The following MYBPC1 variants were observed in gnomAD, a reference collection of about 807,000 sequenced individuals.
MYBPC1 encodes myosin binding protein C1.
MYBPC1 carries 52 observed loss-of-function variants against 147.1 expected under a neutral mutation model. That is an observed-to-expected ratio of 0.35 (90% CI 0.28 to 0.45). The LOEUF is 0.45. Among genes scored for constraint, MYBPC1 ranks in the 20% least tolerant of loss-of-function variants. The pLI, the probability that MYBPC1 is intolerant of heterozygous loss-of-function variation, is 1.00. For missense variants in MYBPC1, 1,228 were observed against 1,440.3 expected (o/e 0.85, Z 2.39); for synonymous variants, 477 against 475.9 (o/e 1.00, Z -0.03).
Position 101,634,580 on chromosome 12 carries a change from G to A in MYBPC1, c.583G>A (p.Asp195Asn), listed in dbSNP as rs1300082695. ...ATCTACTGGGACTACTCCAAACATTGACATCAGATCTGCTTTCAAGAGAAG... is the reference window on the plus strand; with the variant it reads ...ATCTACTGGGACTACTCCAAACATTAACATCAGATCTGCTTTCAAGAGAAG... ...HESTGTTPNI[D>N]IRSAFKRSGE... Residue 195 changes from aspartate (D) to asparagine (N), a missense_variant, in exon 9 of 32, where the codon GAC (aspartate) becomes AAC (asparagine). This residue lies in a region of MYBPC1 where 1,077 missense variants were observed against 1,314.2 expected (regional missense o/e 0.82). Transcript: ENST00000361466. 5 of 1,613,114 alleles carry A rather than the reference G, an allele frequency of 3.1e-6. No homozygotes were observed. The highest frequency in any genetic ancestry group is 2.5e-6 in the Non-Finnish European group (3 of 1,179,250).
chr12:101,612,106 C>A (rs1204144522), intron 1 of MYBPC1, among the ~76,000 whole-genome samples: 8 of 149,980 alleles, frequency 5.3e-5, no homozygotes, highest in Non-Finnish European at 1.2e-4. Flanking sequence ...AAAGAATAAT[C>A]AGCTCTGAGA....
At chr12:101,631,496 T>C in intron 6 of MYBPC1, 75 bp from the exon 7 acceptor site, 1 of 1,515,522 alleles carries the variant, frequency 6.6e-7, no homozygotes. Flanking sequence ...CAGTCCCATG[T>C]CAACTCCTTC....
chr12:101,678,114 A>C lies in MYBPC1; in HGVS notation c.3122A>C (p.Lys1041Thr). Residue 1041 changes from lysine (K) to threonine (T), a missense_variant, in exon 28 of 32, where the codon AAA becomes ACA. This residue lies in a region of MYBPC1 where 1,077 missense variants were observed against 1,314.2 expected (regional missense o/e 0.82). Transcript: ENST00000361466. ...GCTTGTTTTTAAGGTAAAATCTACA[A>C]AAATCCAGTGTATGAAGACTTTGAT... is the stretch of plus-strand genomic sequence containing the variant. ...AVIARDGKIY[K>T]NPVYEDFDFS... 1 of 1,613,670 alleles carries C rather than the reference A, an allele frequency of 6.2e-7. No individual in the cohort carries two copies. Among genetic ancestry groups the C allele is most frequent in the Non-Finnish European group, 8.5e-7 (1 of 1,179,554 alleles).
chr12:101,622,790 A>G (rs534259069), intron 3 of MYBPC1, among the ~76,000 whole-genome samples: 7 of 152,124 alleles, frequency 4.6e-5, no homozygotes, highest in Non-Finnish European at 1.0e-4. Context: ...AGCTTTGCTC[A>G]TGTTGATTAT....
chr12:101,612,698 G>A (rs568750045), intron 1 of MYBPC1, among the ~76,000 whole-genome samples: 7 of 152,320 alleles, frequency 4.6e-5, no homozygotes, highest in African/African-American at 1.4e-4. Flanking sequence ...GCATGGCATG[G>A]CAATGGCCCA....
At chr12:101,607,277 C>T (rs1882601534) in intron 1 of MYBPC1, among the ~76,000 whole-genome samples, 1 of 152,086 alleles carries the variant, frequency 6.6e-6, no homozygotes, top group Non-Finnish European at 1.5e-5. Flanking sequence ...ACCCCACCAT[C>T]AAGAGGGGAG....
intron 22 of MYBPC1, among the ~76,000 whole-genome samples, chr12:101,665,586 T>C (rs187685323): frequency 2.6e-5 from 4 of 152,332 alleles, no homozygotes. Flanking sequence ...TCTCCTCACA[T>C]GTTAAATAAC....
intron 5 of MYBPC1, 48 bp from the exon 6 acceptor site, chr12:101,629,386 G>A: frequency 1.5e-6 from 2 of 1,311,632 alleles, no homozygotes; most frequent in Non-Finnish European, 1.1e-6. Context: ...GACTGCCTAA[G>A]AAGAGCCTGG....
In MYBPC1 at chr12:101,677,376, G is replaced by T. The variant is rs1241262766; in HGVS notation, c.3091G>T (p.Ala1031Ser). Reference protein sequence around the residue: ...SEDATMTKESAVIARDGKIYK... With the variant: ...SEDATMTKESSVIARDGKIYK... ...GGATGCCACCATGACTAAAGAGAGT[G>T]CAGTGATCGCCAGGGATGGTGAGTT... Residue 1031 changes from alanine to serine, a missense_variant, in exon 27 of 32, where the codon GCA (alanine) becomes TCA (serine). Coordinates refer to ENST00000361466, the MANE Select transcript of MYBPC1 (RefSeq NM_002465.4). 3 of 1,613,846 alleles carry T rather than the reference G, an allele frequency of 1.9e-6. No individual in the cohort carries two copies. The highest frequency in any genetic ancestry group is 2.7e-5 in the African/African-American group (2 of 74,894).
At chr12:101,626,225 T>C (rs1315832740) in intron 3 of MYBPC1, among the ~76,000 whole-genome samples, 1 of 152,218 alleles carries the variant, frequency 6.6e-6, no homozygotes, top group Non-Finnish European at 1.5e-5. Context: ...TTCAGATGTT[T>C]TTTAAAAGGG....
In MYBPC1 at chr12:101,641,345, C is replaced by T. The variant is rs183372602; in HGVS notation, c.666-1074C>T. Among the ~76,000 whole-genome samples the T allele has an allele frequency of 5.8e-3, 890 of 152,144 alleles. 5 individuals carry two copies. Among genetic ancestry groups the T allele is most frequent in the African/African-American group, 0.02 (849 of 41,490 alleles). ...ATAAAAATAGTCATGTAAATGTAAA[C>T]AAAATCAGGATTATTTATTCAATGA... is the stretch of plus-strand genomic sequence containing the variant. On this transcript the variant is annotated intron_variant, in intron 10 of 31. Transcript: ENST00000361466.
intron 1 of MYBPC1, among the ~76,000 whole-genome samples, chr12:101,601,259 C>A (rs1020288754): frequency 6.6e-6 from 1 of 152,082 alleles, no homozygotes; most frequent in South Asian, 2.1e-4. Flanking sequence ...CAAAGACAGC[C>A]CCCCCAAAGT....
intron 2 of MYBPC1, among the ~76,000 whole-genome samples, chr12:101,615,594 C>T (rs541770456): frequency 6.6e-6 from 1 of 151,318 alleles, no homozygotes; most frequent in Non-Finnish European, 1.5e-5. Context: ...TAGAATACAG[C>T]CTGGGAAACA....
At chr12:101,684,253 C>G (rs1218424868) in intron 30 of MYBPC1, 129 bp from the exon 31 acceptor site, 9 of 780,114 alleles carry the variant, frequency 1.2e-5, no homozygotes, top group Non-Finnish European at 2.0e-5. Context: ...TTTTACATGA[C>G]TAAGGATTAA....
In MYBPC1 at chr12:101,646,752, A is replaced by G. The variant is rs1406818169; in HGVS notation, c.966-11A>G. ...CACAGACTCTGTTTATTTTCATCCTATTCAAAACAGATACATCTTTGAACA... is the reference window on the plus strand; with the variant it reads ...CACAGACTCTGTTTATTTTCATCCTGTTCAAAACAGATACATCTTTGAACA... On this transcript the variant is annotated splice_polypyrimidine_tract_variant and intron_variant, in intron 12 of 31. Coordinates refer to ENST00000361466, the MANE Select transcript of MYBPC1 (RefSeq NM_002465.4). The G allele has an allele frequency of 6.2e-7, 1 of 1,612,620 alleles. No homozygotes were observed. The highest frequency in any genetic ancestry group is 8.5e-7 in the Non-Finnish European group (1 of 1,178,610).
intron 30 of MYBPC1, 87 bp downstream of exon 30, chr12:101,682,749 T>G (rs1951097516): frequency 7.7e-7 from 1 of 1,293,650 alleles, no homozygotes; most frequent in Non-Finnish European, 1.1e-6. Flanking sequence ...AAAGCTTGAC[T>G]TTCTCATTTG....
intron 24 of MYBPC1, 38 bp from the exon 25 acceptor site, chr12:101,673,389 T>C: frequency 1.9e-6 from 3 of 1,596,860 alleles, no homozygotes; most frequent in South Asian, 1.1e-5. Flanking sequence ...TGAGACAATA[T>C]GATTTACCCT....
chr12:101,608,746 G>A (rs978739839), intron 1 of MYBPC1, among the ~76,000 whole-genome samples: 7 of 152,166 alleles, frequency 4.6e-5, no homozygotes, highest in Non-Finnish European at 8.8e-5. Flanking sequence ...AAGGTGAGGG[G>A]TGTAATATTC....
At chr12:101,596,718 T>C (rs1159934267) in intron 1 of MYBPC1, among the ~76,000 whole-genome samples, 2 of 152,278 alleles carry the variant, frequency 1.3e-5, no homozygotes, top group Non-Finnish European at 2.9e-5. Flanking sequence ...TTATGGGGAA[T>C]GAAATTATAG....
Sources: allele counts gnomAD v4.1 joint callset (sites outside exome capture counted in the v4.1 genomes callset), GRCh38; gene constraint gnomAD v4.1.1; regional missense constraint gnomAD v4.1.1; transcripts MANE v1.5; gene names NCBI Gene and HGNC (gene_info 2026-07-23, HGNC 2026-07-21).